The following MAGI1 variants were observed in gnomAD, a reference collection of about 807,000 sequenced individuals.
MAGI1 encodes the protein membrane associated guanylate kinase, WW and PDZ domain containing 1.
In MAGI1, 58 loss-of-function variants were observed where a neutral mutation model predicts 139.9. That is an observed-to-expected ratio of 0.41 (90% CI 0.34 to 0.52). The LOEUF (loss-of-function observed/expected upper bound fraction) is 0.52, where lower values mean the gene tolerates loss of function less well. Among genes scored for constraint, MAGI1 ranks in the 20% least tolerant of loss-of-function variants. The probability of loss-of-function intolerance (pLI) is 0.12; values close to 1 mark genes in which losing one functional copy is unlikely to be tolerated. For synonymous variants in MAGI1, 812 were observed against 737.9 expected, an observed-to-expected ratio of 1.10 and a Z score of -1.63; for missense variants, 1,874 against 1,901.6, an observed-to-expected ratio of 0.99 and a Z score of 0.27.
intron 1 of MAGI1, among the ~76,000 whole-genome samples, chr3:65,934,640 T>C (rs1391365770): frequency 6.7e-6 from 1 of 149,072 alleles, no homozygotes; most frequent in Non-Finnish European, 1.5e-5. Flanking sequence ...TATTGGGCCA[T>C]TTAATGGTGC....
intron 2 of MAGI1, among the ~76,000 whole-genome samples, chr3:65,559,448 T>C (rs2080235833): frequency 6.6e-6 from 1 of 152,200 alleles, no homozygotes; most frequent in African/African-American, 2.4e-5. Flanking sequence ...AAAATACTAA[T>C]CATAACTTGA....
At chr3:65,904,016 A>G (rs1191805624) in intron 1 of MAGI1, among the ~76,000 whole-genome samples, 6 of 152,108 alleles carry the variant, frequency 3.9e-5, no homozygotes, top group African/African-American at 2.4e-5. Flanking sequence ...TCAAAAAAAA[A>G]AAAGAAAGAA....
intron 1 of MAGI1, among the ~76,000 whole-genome samples, chr3:65,670,342 A>C (rs1280727256): frequency 8.4e-6 from 1 of 119,394 alleles, no homozygotes; most frequent in African/African-American, 2.6e-5. Flanking sequence ...CACATATGCC[A>C]TGTGTGTATA....
rs948874213 is a variant in MAGI1, at chr3:65,691,918, C to T, written c.314-69830G>A. Among the ~76,000 whole-genome samples the T allele has an allele frequency of 3.9e-5, 6 of 152,290 alleles. No individual in the cohort carries two copies. The East Asian group carries it at 9.6e-4, about 24-fold the overall frequency. Reference sequence around the variant, plus strand: ...GCTTCTCACAAAACCTAAAATCCTGCTTGATGCAACCAAATAGCCATTATT... The same window carrying T: ...GCTTCTCACAAAACCTAAAATCCTGTTTGATGCAACCAAATAGCCATTATT... On this transcript the variant is annotated intron_variant, in intron 1 of 22. Transcript: ENST00000402939.
At chr3:66,023,394 G>T (rs1021654599) in intron 1 of MAGI1, among the ~76,000 whole-genome samples, 6 of 152,060 alleles carry the variant, frequency 3.9e-5, no homozygotes, top group Non-Finnish European at 7.4e-5. Context: ...AAAAAAAACT[G>T]CACTGACTAA....
chr3:65,446,476 G>A (rs1214119895), intron 7 of MAGI1, among the ~76,000 whole-genome samples: 2 of 152,116 alleles, frequency 1.3e-5, no homozygotes, highest in Non-Finnish European at 2.9e-5. Context: ...GTTACATGTG[G>A]GTAAAATGCA....
chr3:66,028,618 G>T (rs1053874139), intron 1 of MAGI1, among the ~76,000 whole-genome samples: 1 of 152,066 alleles, frequency 6.6e-6, no homozygotes, highest in African/African-American at 2.4e-5. Flanking sequence ...CATCGTTGAT[G>T]GTAAAAGCCT....
In MAGI1 at chr3:65,492,739, T is replaced by C. The variant is rs190272052; in HGVS notation, c.550+773A>G. On this transcript the variant is annotated intron_variant, in intron 3 of 22. Coordinates refer to ENST00000402939, the MANE Select transcript of MAGI1 (RefSeq NM_001033057.2). ...CAGAAGGTAATCAGATTATTTATAA[T>C]ATTGAATCCTAAATCAGGCAGGTGG... 1.5e-3 allele frequency among the ~76,000 whole-genome samples: 221 copies of C among 152,266 alleles called. 1 individual carries two copies. The highest frequency in any genetic ancestry group is 5.0e-3 in the African/African-American group (207 of 41,550).
At chr3:65,949,105 G>C (rs1481350673) in intron 1 of MAGI1, among the ~76,000 whole-genome samples, 1 of 152,166 alleles carries the variant, frequency 6.6e-6, no homozygotes, top group Non-Finnish European at 1.5e-5. Flanking sequence ...TTCCATTGCT[G>C]CCAACATGAC....
chr3:65,596,864 AAC>A (rs1334949722), intron 2 of MAGI1, among the ~76,000 whole-genome samples: 1 of 152,224 alleles, frequency 6.6e-6, no homozygotes, highest in Admixed American at 6.5e-5. Context: ...TTACCTAGAT[AAC>A]ACAGTGCTCT....
At chr3:65,580,227 T>G (rs543478871) in intron 2 of MAGI1, among the ~76,000 whole-genome samples, 1 of 152,364 alleles carries the variant, frequency 6.6e-6, no homozygotes, top group Non-Finnish European at 1.5e-5. Flanking sequence ...GAATGTATTC[T>G]GTACATGTAC....
At chr3:65,430,486 C>T (rs181036568) in intron 11 of MAGI1, among the ~76,000 whole-genome samples, 6 of 152,260 alleles carry the variant, frequency 3.9e-5, no homozygotes, top group Admixed American at 2.0e-4. Flanking sequence ...GTTTCCCAAA[C>T]TTAAAATGAC....
At chr3:65,891,975 T>C (rs2060790164) in intron 1 of MAGI1, among the ~76,000 whole-genome samples, 2 of 133,394 alleles carry the variant, frequency 1.5e-5, no homozygotes, top group Non-Finnish European at 3.2e-5. Context: ...TTGTGACAAG[T>C]AACCAGTTAT....
intron 1 of MAGI1, among the ~76,000 whole-genome samples, chr3:66,018,613 ACCAT>A (rs1239888189): frequency 6.6e-6 from 1 of 152,212 alleles, no homozygotes; most frequent in Non-Finnish European, 1.5e-5. Context: ...GATCATGATC[ACCAT>A]CCCTTGTGGC....
chr3:65,617,642 T>A (rs1221845697), intron 2 of MAGI1, among the ~76,000 whole-genome samples: 1 of 152,126 alleles, frequency 6.6e-6, no homozygotes, highest in Non-Finnish European at 1.5e-5. Context: ...GCCAAGTAAT[T>A]AGTGAAGTCC....
At chr3:65,502,107 G>GCT (rs768476077) in intron 2 of MAGI1, among the ~76,000 whole-genome samples, 2 of 152,186 alleles carry the variant, frequency 1.3e-5, no homozygotes, top group Non-Finnish European at 2.9e-5. Context: ...GCACGACTGT[G>GCT]CTTTGGTCAA....
intron 1 of MAGI1, among the ~76,000 whole-genome samples, chr3:66,000,212 G>A (rs976157466): frequency 6.6e-6 from 1 of 151,904 alleles, no homozygotes; most frequent in Admixed American, 6.6e-5. Context: ...TCCTGACCTC[G>A]TGATCTGCCC....
intron 1 of MAGI1, among the ~76,000 whole-genome samples, chr3:65,810,125 G>A (rs6791592): frequency 0.037 from 5,581 of 152,302 alleles, 337 homozygotes; most frequent in African/African-American, 0.13. Flanking sequence ...CCATCAAAAA[G>A]TGCTATCAAA....
intron 1 of MAGI1, among the ~76,000 whole-genome samples, chr3:65,742,593 G>C (rs946225616): frequency 6.6e-6 from 1 of 152,222 alleles, no homozygotes; most frequent in Admixed American, 6.5e-5. Context: ...TTGTGTGTGA[G>C]TGAATGTGTC....
Sources: gnomAD v4.1 joint callset for allele counts (sites outside exome capture counted in the v4.1 genomes callset) on GRCh38, gnomAD v4.1.1 for gene constraint, MANE v1.5 for transcripts, NCBI Gene and HGNC (gene_info 2026-07-23, HGNC 2026-07-21) for gene names.